FRMD5: variants seen among roughly 807,000 people sequenced by gnomAD.
The protein encoded by FRMD5 is FERM domain-containing protein 5.
FRMD5 carries 20 observed loss-of-function variants against 69.0 expected under a neutral mutation model. That is an observed-to-expected ratio of 0.29 (90% confidence interval 0.20 to 0.42). The LOEUF (loss-of-function observed/expected upper bound fraction) is 0.42. FRMD5 is among the 10% of genes least tolerant of loss of function. The pLI, the probability that FRMD5 is intolerant of heterozygous loss-of-function variation, is 1.00. For missense variants in FRMD5, 595 were observed against 708.6 expected (o/e 0.84, Z 1.82); for synonymous variants, 271 against 260.1 (o/e 1.04, Z -0.40).
intron 13 of FRMD5, among the ~76,000 whole-genome samples, chr15:43,881,871 A>G (rs574681838): frequency 6.6e-6 from 1 of 152,324 alleles, no homozygotes; most frequent in African/African-American, 2.4e-5. Context: ...CTAAACACAA[A>G]TTAGATCTCA....
At chr15:43,980,462 T>C (rs2090531198) in intron 1 of FRMD5, among the ~76,000 whole-genome samples, 1 of 152,230 alleles carries the variant, frequency 6.6e-6, no homozygotes, top group Non-Finnish European at 1.5e-5. Context: ...TCCTAAAGTC[T>C]TTTCTGCTAC....
chr15:44,059,208 ATCTTAAGAGCTGTAGT>A (rs1892992775), intron 1 of FRMD5, among the ~76,000 whole-genome samples: 1 of 152,228 alleles, frequency 6.6e-6, no homozygotes, highest in Non-Finnish European at 1.5e-5. Context: ...ACAAGGTATT[ATCTTAAGAGCTGTAGT>A]AAAGAGGGAA....
chr15:44,085,601 T>C (rs958206626), intron 1 of FRMD5, among the ~76,000 whole-genome samples: 1 of 152,084 alleles, frequency 6.6e-6, no homozygotes, highest in Admixed American at 6.6e-5. Context: ...CAAAGAGGGG[T>C]ATCTCAAACC....
intron 1 of FRMD5, among the ~76,000 whole-genome samples, chr15:44,166,170 G>A (rs1163762972): frequency 6.6e-6 from 1 of 152,108 alleles, no homozygotes; most frequent in Non-Finnish European, 1.5e-5. Flanking sequence ...GCTTACTAGT[G>A]AGGTTGAAAT....
intron 1 of FRMD5, among the ~76,000 whole-genome samples, chr15:44,167,917 CAG>C (rs2077737306): frequency 1.3e-5 from 2 of 152,220 alleles, no homozygotes; most frequent in African/African-American, 4.8e-5. Context: ...AAATTTGTGA[CAG>C]AGTCACTGAG....
At chr15:44,117,771 C>A (rs905554323) in intron 1 of FRMD5, among the ~76,000 whole-genome samples, 2 of 152,136 alleles carry the variant, frequency 1.3e-5, no homozygotes, top group Admixed American at 1.3e-4. Flanking sequence ...GATATAAATA[C>A]AATCAGGGGA....
intron 5 of FRMD5, among the ~76,000 whole-genome samples, chr15:43,908,297 T>C (rs977497629): frequency 4.2e-5 from 6 of 144,296 alleles, no homozygotes; most frequent in Non-Finnish European, 9.0e-5. Flanking sequence ...CACTGCACTC[T>C]GGCCTAGGGG....
At chr15:43,951,522 T>C (rs1413666038) in intron 1 of FRMD5, among the ~76,000 whole-genome samples, 3 of 152,146 alleles carry the variant, frequency 2.0e-5, no homozygotes, top group Non-Finnish European at 2.9e-5. Context: ...AAATATTTTA[T>C]AAAGAAAATA....
In FRMD5 at chr15:43,912,412, G is replaced by A. The variant is rs2043879; in HGVS notation, c.330-2433C>T. Among the ~76,000 whole-genome samples the A allele has an allele frequency of 0.016, 2,480 of 152,172 alleles. 195 individuals are homozygous for A. In the East Asian group the frequency reaches 0.2, roughly 12 times the overall value. ...AATGCCACACGGTGTGTGGGAGAGA[G>A]TGAGTGAGCACTTCTCTGCCTCTCA... On this transcript the variant is annotated intron_variant, in intron 4 of 13. Transcript: ENST00000417257.
intron 1 of FRMD5, among the ~76,000 whole-genome samples, chr15:44,169,105 C>A (rs1056402370): frequency 1.3e-5 from 2 of 152,174 alleles, no homozygotes; most frequent in Admixed American, 1.3e-4. Flanking sequence ...AAAAATTATG[C>A]ATCTAATAAA....
chr15:44,152,476 C>T (rs1372999424), intron 1 of FRMD5, among the ~76,000 whole-genome samples: 1 of 152,222 alleles, frequency 6.6e-6, no homozygotes, highest in Non-Finnish European at 1.5e-5. Context: ...TTGCTACACA[C>T]ATTCTCATAC....
chr15:43,922,626 A>G (rs1260825388), intron 2 of FRMD5, among the ~76,000 whole-genome samples: 1 of 147,668 alleles, frequency 6.8e-6, no homozygotes, highest in Non-Finnish European at 1.5e-5. Context: ...TTCATATACC[A>G]CCACTCTAGG....
intron 13 of FRMD5, among the ~76,000 whole-genome samples, chr15:43,877,782 A>T (rs2088405755): frequency 6.6e-6 from 1 of 152,216 alleles, no homozygotes; most frequent in Non-Finnish European, 1.5e-5. Context: ...CAGTAACTCC[A>T]CAAGGTAGTG....
intron 1 of FRMD5, among the ~76,000 whole-genome samples, chr15:44,047,269 A>G (rs1892469029): frequency 6.6e-6 from 1 of 152,266 alleles, no homozygotes; most frequent in African/African-American, 2.4e-5. Flanking sequence ...AGATCGTGCC[A>G]CTGCACTCCA....
intron 1 of FRMD5, among the ~76,000 whole-genome samples, chr15:44,169,284 AT>A: frequency 6.6e-6 from 1 of 152,260 alleles, no homozygotes; most frequent in African/African-American, 2.4e-5. Flanking sequence ...CACAAGGAAA[AT>A]GTAAAACAGT....
chr15:44,196,895 T>G (rs1357246929), upstream of FRMD5, among the ~76,000 whole-genome samples: 1 of 152,088 alleles, frequency 6.6e-6, no homozygotes, highest in Non-Finnish European at 1.5e-5. Context: ...CTCTTTTCAA[T>G]GCAATTTGGA....
intron 1 of FRMD5, among the ~76,000 whole-genome samples, chr15:44,102,884 C>A (rs1309141408): frequency 6.6e-6 from 1 of 152,152 alleles, no homozygotes; most frequent in African/African-American, 2.4e-5. Context: ...GCTCACTAGT[C>A]ACAGCCTTCT....
chr15:43,894,320 G>C (rs1198493496), intron 7 of FRMD5, among the ~76,000 whole-genome samples: 3 of 151,854 alleles, frequency 2.0e-5, no homozygotes, highest in Non-Finnish European at 4.4e-5. Flanking sequence ...AGCAGGACCC[G>C]GGGAAGTCCT....
At chr15:44,166,719 G>T (rs1016451421) in intron 1 of FRMD5, among the ~76,000 whole-genome samples, 10 of 149,972 alleles carry the variant, frequency 6.7e-5, no homozygotes, top group African/African-American at 2.5e-4. Flanking sequence ...GGGAGGTAGA[G>T]GTTGCAGTGA....
Sources: allele counts gnomAD v4.1 joint callset (sites outside exome capture counted in the v4.1 genomes callset), GRCh38; gene constraint gnomAD v4.1.1; transcripts MANE v1.5; gene names NCBI Gene and HGNC (gene_info 2026-07-23, HGNC 2026-07-21).